Variants in WDR43 observed in about 807,000 individuals in gnomAD.
The protein encoded by WDR43 is WD repeat-containing protein 43.
WDR43 carries 13 observed loss-of-function variants against 91.4 expected under a neutral mutation model. The ratio of observed to expected loss-of-function variants is 0.14; its 90% CI spans 0.09 to 0.23. The LOEUF (loss-of-function observed/expected upper bound fraction) is 0.23. Among genes scored for constraint, WDR43 ranks in the 10% least tolerant of loss-of-function variants. The pLI is 1.00. For missense variants in WDR43, 780 were observed against 809.4 expected, an observed-to-expected ratio of 0.96 and a Z score of 0.44; for synonymous variants, 331 against 287.9, an observed-to-expected ratio of 1.15 and a Z score of -1.51.
In WDR43 at chr2:28,946,763, A is replaced by G; in HGVS notation, c.2018A>G (p.Glu673Gly). ...NGDSDLDPEN[E>G]SEEE ...GATTCTGATTTAGATCCTGAAAATG[A>G]AAGTGAAGAAGAATGAAGACAGCAA... The change falls in exon 18 of 18, where the codon GAA becomes GGA. Residue 673 changes from glutamate (E) to glycine (G), a missense_variant. Coordinates refer to ENST00000407426, the MANE Select transcript of WDR43 (RefSeq NM_015131.3). 1 of 1,580,542 alleles carries G rather than the reference A, an allele frequency of 6.3e-7. No homozygotes were observed. The highest frequency in any genetic ancestry group is 1.4e-5 in the African/African-American group (1 of 73,998).
Position 28,906,549 on chromosome 2 carries a change from G to T in WDR43, c.453G>T (p.Val151=). 6.2e-7 allele frequency: 1 copy of T among 1,611,314 alleles called. No individual in the cohort carries two copies. The highest frequency in any genetic ancestry group is 2.2e-5 in the East Asian group (1 of 44,822). ...LYSCSDDKHI[V]EWNVQTCKVK... ...GTTGTTCAGATGATAAACATATTGT[G>T]GAATGGAACGTACAGACATGCAAAG... The change falls in exon 3 of 18, where the codon GTG becomes GTT. Residue 151 remains valine (V), a synonymous_variant. Transcript: ENST00000407426.
chr2:28,910,040 A>C (rs1294346020), intron 3 of WDR43, among the ~76,000 whole-genome samples: 2 of 152,308 alleles, frequency 1.3e-5, no homozygotes, highest in East Asian at 3.9e-4. Flanking sequence ...AGTGCTTCTT[A>C]AGGCTTAAAT....
intron 2 of WDR43, among the ~76,000 whole-genome samples, chr2:28,906,077 TATC>T (rs1332802806): frequency 4.6e-5 from 7 of 152,226 alleles, no homozygotes; most frequent in Non-Finnish European, 8.8e-5. Flanking sequence ...GGGTTCATAT[TATC>T]ATAATATGTA....
At chr2:28,924,035 G>T (rs1055137965) in intron 7 of WDR43, among the ~76,000 whole-genome samples, 8 of 152,190 alleles carry the variant, frequency 5.3e-5, no homozygotes, top group Non-Finnish European at 1.0e-4. Context: ...GAGTAAGTTG[G>T]AAAGATAGGG....
chr2:28,933,248 A>G (rs1252306129), intron 11 of WDR43, among the ~76,000 whole-genome samples: 2 of 152,204 alleles, frequency 1.3e-5, no homozygotes, highest in African/African-American at 2.4e-5. Flanking sequence ...AAATAAAGCT[A>G]TAGTAGTCAA....
At chr2:28,945,401 TG>T (rs577796405) in intron 16 of WDR43, among the ~76,000 whole-genome samples, 60 of 152,340 alleles carry the variant, frequency 3.9e-4, no homozygotes, top group African/African-American at 1.4e-3. Context: ...TTTTGCATCA[TG>T]GGGTTGAATC....
At chr2:28,921,789 G>A (rs760743386) in intron 6 of WDR43, among the ~76,000 whole-genome samples, 9 of 152,156 alleles carry the variant, frequency 5.9e-5, no homozygotes, top group Non-Finnish European at 1.3e-4. Flanking sequence ...AAAGCTCACT[G>A]TTGCCTTGAC....
chr2:28,941,915 A>G (rs577507586), intron 15 of WDR43, among the ~76,000 whole-genome samples: 1 of 152,296 alleles, frequency 6.6e-6, no homozygotes, highest in South Asian at 2.1e-4. Flanking sequence ...TGTTTCAGTA[A>G]GAAATTGGTA....
chr2:28,940,293 G>T lies in WDR43; in HGVS notation c.1621-1168G>T, dbSNP rs7603749. Among the ~76,000 whole-genome samples, 1,416 of 151,430 alleles carry T rather than the reference G, an allele frequency of 9.4e-3. 16 individuals carry two copies. The highest frequency in any genetic ancestry group is 0.01 in the Non-Finnish European group (708 of 67,862). ...TGCCTAGGCTGGAGTGCAATGGCAC[G>T]ATCTTGGCTCACCGCAACCTCCGCC... On this transcript the variant is annotated intron_variant, in intron 14 of 17. Transcript: ENST00000407426.
At chr2:28,944,502 A>G (rs1558386063) in intron 16 of WDR43, among the ~76,000 whole-genome samples, 2 of 152,372 alleles carry the variant, frequency 1.3e-5, no homozygotes, top group African/African-American at 4.8e-5. Context: ...TAGAGATTAT[A>G]TAAGTATGTT....
At chr2:28,910,557 TC>T (rs1332878996) in intron 3 of WDR43, among the ~76,000 whole-genome samples, 5 of 151,912 alleles carry the variant, frequency 3.3e-5, no homozygotes, top group African/African-American at 1.2e-4. Context: ...GAGCTCTTTT[TC>T]TTATTGATAT....
intron 2 of WDR43, among the ~76,000 whole-genome samples, chr2:28,904,670 G>C (rs889573288): frequency 3.9e-5 from 6 of 152,184 alleles, no homozygotes; most frequent in African/African-American, 7.2e-5. Flanking sequence ...GAATGTATCT[G>C]TTCATATCCT....
chr2:28,907,607 T>G (rs1034291408), intron 3 of WDR43, among the ~76,000 whole-genome samples: 6 of 148,024 alleles, frequency 4.1e-5, no homozygotes, highest in African/African-American at 1.5e-4. Context: ...AGCAAGACGC[T>G]GTCTCAAAAA....
intron 7 of WDR43, among the ~76,000 whole-genome samples, chr2:28,924,298 C>T (rs1214971575): frequency 6.6e-6 from 1 of 152,024 alleles, no homozygotes; most frequent in Admixed American, 6.5e-5. Context: ...GAAATCTTTA[C>T]GAAATGTGGA....
At chr2:28,942,901 A>C (rs868757241) in intron 16 of WDR43, among the ~76,000 whole-genome samples, 1 of 152,080 alleles carries the variant, frequency 6.6e-6, no homozygotes, top group Admixed American at 6.6e-5. Flanking sequence ...ATGCCTGGCC[A>C]GGTATGGAAA....
At chr2:28,913,757 T>A (rs4666133) in intron 4 of WDR43, 1 of 552,906 alleles carries the variant, frequency 1.8e-6, no homozygotes, top group Admixed American at 1.9e-5. Context: ...ACCCAAAGTA[T>A]GCCTTTTAAA....
At position 28,941,657 on chromosome 2, in the gene WDR43, G is replaced by T. The variant is rs552321871; in HGVS notation, c.1734+83G>T. The T allele has an allele frequency of 1.1e-5, 12 of 1,052,056 alleles. No individual in the cohort carries two copies. In the South Asian group the frequency reaches 1.6e-4, roughly 14 times the overall value. 65.2% of individuals were successfully genotyped at this position (1,052,056 alleles called of 1,614,324 possible). The stretch of plus-strand genomic sequence containing the variant: ...GGAATAAGGATCATTTTGAGACAGG[G>T]TCTTGCTCTGTCGCTCAGGCTGCAC... On this transcript the variant is annotated intron_variant, in intron 15 of 17. Coordinates refer to ENST00000407426, the MANE Select transcript of WDR43 (RefSeq NM_015131.3).
intron 5 of WDR43, among the ~76,000 whole-genome samples, chr2:28,917,154 CGGGAAGGCAGAATGTAGCT>C (rs1429947764): frequency 6.6e-6 from 1 of 152,104 alleles, no homozygotes; most frequent in African/African-American, 2.4e-5. Context: ...AGAACGGCAA[CGGGAAGGCAGAATGTAGCT>C]ACCTTAGCTG....
intron 2 of WDR43, among the ~76,000 whole-genome samples, chr2:28,902,849 A>G (rs1470025026): frequency 6.6e-6 from 1 of 152,190 alleles, no homozygotes; most frequent in Non-Finnish European, 1.5e-5. Flanking sequence ...GAAGACAGTA[A>G]CCGAACTGGT....
Sources: allele counts gnomAD v4.1 joint callset (sites outside exome capture counted in the v4.1 genomes callset), GRCh38; gene constraint gnomAD v4.1.1; transcripts MANE v1.5; gene names NCBI Gene and HGNC (gene_info 2026-07-23, HGNC 2026-07-21).